TRAPPC9: variants seen among roughly 807,000 people sequenced by gnomAD.
TRAPPC9 encodes IKK2 binding protein.
In TRAPPC9, 83 loss-of-function variants were observed where a neutral mutation model predicts 124.0. That is an observed-to-expected ratio of 0.67 (90% confidence interval 0.56 to 0.80). The LOEUF is 0.80. Ranked by LOEUF, TRAPPC9 falls within the 30% of genes least tolerant of loss-of-function variation. The probability of loss-of-function intolerance (pLI) is 0.00; values close to 1 mark genes in which losing one functional copy is unlikely to be tolerated. For missense variants in TRAPPC9, 1,302 were observed against 1,508.3 expected (o/e 0.86, Z 2.27); for synonymous variants, 638 against 617.5 (o/e 1.03, Z -0.49).
At chr8:139,779,244 C>G (rs1409224500) in intron 21 of TRAPPC9, among the ~76,000 whole-genome samples, 1 of 152,136 alleles carries the variant, frequency 6.6e-6, no homozygotes, top group African/African-American at 2.4e-5. Context: ...ACCTAGAATT[C>G]TGAACCCAGC....
intron 17 of TRAPPC9, among the ~76,000 whole-genome samples, chr8:140,072,771 G>GTA (rs140950733): frequency 0.11 from 17,333 of 151,830 alleles, 1,018 homozygotes; most frequent in Middle Eastern, 0.15. Flanking sequence ...ATGTGCATAT[G>GTA]TATATATATA....
At chr8:139,905,074 G>A (rs1831264517) in intron 20 of TRAPPC9, among the ~76,000 whole-genome samples, 1 of 152,188 alleles carries the variant, frequency 6.6e-6, no homozygotes, top group Non-Finnish European at 1.5e-5. Flanking sequence ...AAAGAAGAAG[G>A]TACCAAAGGT....
chr8:139,995,449 C>T (rs1347087685), intron 18 of TRAPPC9, among the ~76,000 whole-genome samples: 1 of 152,120 alleles, frequency 6.6e-6, no homozygotes, highest in African/African-American at 2.4e-5. Context: ...CTCCCTGATA[C>T]AAACCACCTC....
At chr8:140,248,515 C>A (rs1299246785) in intron 16 of TRAPPC9, among the ~76,000 whole-genome samples, 1 of 152,250 alleles carries the variant, frequency 6.6e-6, no homozygotes, top group South Asian at 2.1e-4. Flanking sequence ...GGTTTGTCCA[C>A]ATCTACTTAT....
intron 17 of TRAPPC9, among the ~76,000 whole-genome samples, chr8:140,164,702 C>T (rs375682939): frequency 9.9e-5 from 15 of 152,188 alleles, no homozygotes; most frequent in Admixed American, 7.2e-4. Flanking sequence ...ACAGCCTCAG[C>T]GAGTCCAGGT....
At chr8:140,228,301 T>C (rs1342573699) in intron 16 of TRAPPC9, among the ~76,000 whole-genome samples, 1 of 152,216 alleles carries the variant, frequency 6.6e-6, no homozygotes, top group Non-Finnish European at 1.5e-5. Flanking sequence ...ATTTTAAAGA[T>C]GCTTTCTCAT....
At chr8:140,117,697 A>T (rs2060914035) in intron 17 of TRAPPC9, among the ~76,000 whole-genome samples, 1 of 152,246 alleles carries the variant, frequency 6.6e-6, no homozygotes, top group African/African-American at 2.4e-5. Flanking sequence ...AAGACATATG[A>T]TGGCAGCTTT....
intron 17 of TRAPPC9, among the ~76,000 whole-genome samples, chr8:140,052,332 A>G (rs1842052634): frequency 6.6e-6 from 1 of 152,248 alleles, no homozygotes; most frequent in African/African-American, 2.4e-5. Flanking sequence ...AATTTCAGCC[A>G]CAAAATAAAT....
At chr8:140,206,756 C>T (rs894258137) in intron 17 of TRAPPC9, among the ~76,000 whole-genome samples, 3 of 145,894 alleles carry the variant, frequency 2.1e-5, no homozygotes, top group African/African-American at 7.8e-5. Context: ...CATATACATA[C>T]ATATATATAT....
chr8:139,914,444 C>T (rs1831971833), intron 19 of TRAPPC9, among the ~76,000 whole-genome samples: 1 of 152,232 alleles, frequency 6.6e-6, no homozygotes. Context: ...CTGGCAGTGG[C>T]CTGTCCATCG....
intron 7 of TRAPPC9, among the ~76,000 whole-genome samples, chr8:140,392,082 A>G (rs1035904562): frequency 2.6e-5 from 4 of 152,118 alleles, no homozygotes; most frequent in Admixed American, 2.6e-4. Flanking sequence ...AGTTTGAGGG[A>G]AACTACCTGA....
intron 20 of TRAPPC9, among the ~76,000 whole-genome samples, chr8:139,887,898 T>G (rs779543790): frequency 1.3e-5 from 2 of 152,176 alleles, no homozygotes; most frequent in Non-Finnish European, 2.9e-5. Flanking sequence ...ATGTCCCAGG[T>G]AGGAGTGCAG....
chr8:140,032,892 G>A (rs1206766426), intron 17 of TRAPPC9, among the ~76,000 whole-genome samples: 4 of 152,140 alleles, frequency 2.6e-5, no homozygotes, highest in Non-Finnish European at 5.9e-5. Context: ...CTTGAAAACA[G>A]GGTATATTGT....
chr8:140,321,315 T>C (rs2066589314), intron 9 of TRAPPC9, among the ~76,000 whole-genome samples: 1 of 152,124 alleles, frequency 6.6e-6, no homozygotes, highest in Admixed American at 6.5e-5. Flanking sequence ...AACCCGGAGC[T>C]CAGCATGAGC....
At chr8:140,051,797 G>A (rs901829467) in intron 17 of TRAPPC9, among the ~76,000 whole-genome samples, 2 of 152,138 alleles carry the variant, frequency 1.3e-5, no homozygotes, top group Admixed American at 1.3e-4. Flanking sequence ...GTAAGAATAT[G>A]TGGAGAGGAC....
Position 139,907,204 on chromosome 8 carries a change from G to T in TRAPPC9, c.2964+2943C>A, listed in dbSNP as rs60399990. Among the ~76,000 whole-genome samples the T allele has an allele frequency of 6.6e-6, 1 of 152,092 alleles. No homozygotes were observed. The highest frequency in any genetic ancestry group is 2.4e-5 in the African/African-American group (1 of 41,420). On this transcript the variant is annotated intron_variant, in intron 20 of 22. Coordinates refer to ENST00000438773, the MANE Select transcript of TRAPPC9 (RefSeq NM_001160372.4). The surrounding 1 kb of genome is among the most constrained non-coding windows in gnomAD (Gnocchi z 4.7). ...TCCCGGCAGCCCTGGGCTGCCCATCGTGTCACCGTAGCTGCTTCATAGACA... is the reference window on the plus strand; with the variant it reads ...TCCCGGCAGCCCTGGGCTGCCCATCTTGTCACCGTAGCTGCTTCATAGACA...
chr8:139,945,721 T>C (rs562122114), intron 19 of TRAPPC9, among the ~76,000 whole-genome samples: 179 of 152,328 alleles, frequency 1.2e-3, no homozygotes, highest in African/African-American at 4.1e-3. Context: ...GAAGCTCATG[T>C]GGGTCATGAG....
chr8:140,209,759 G>A (rs1051318280), intron 17 of TRAPPC9, among the ~76,000 whole-genome samples: 2 of 152,210 alleles, frequency 1.3e-5, no homozygotes, highest in Non-Finnish European at 2.9e-5. Context: ...ATTGGAAACT[G>A]AGGGTCAGAT....
intron 21 of TRAPPC9, among the ~76,000 whole-genome samples, chr8:139,881,946 G>A (rs1007032666): frequency 6.6e-6 from 1 of 152,178 alleles, no homozygotes; most frequent in South Asian, 2.1e-4. Context: ...TCTGATGGTG[G>A]CCCCACCATG....
Sources: allele counts gnomAD v4.1 joint callset (sites outside exome capture counted in the v4.1 genomes callset), GRCh38; gene constraint gnomAD v4.1.1; non-coding constraint Gnocchi (gnomAD v3.1); transcripts MANE v1.5; gene names NCBI Gene and HGNC (gene_info 2026-07-23, HGNC 2026-07-21).